The following HS3ST5 variants were observed in gnomAD, a reference collection of about 807,000 sequenced individuals.
HS3ST5 encodes the protein heparan sulfate-glucosamine 3-sulfotransferase 5.
Under a neutral mutation model 25.4 loss-of-function variants are expected in HS3ST5, and 10 were observed. The ratio of observed to expected loss-of-function variants is 0.39; its 90% CI spans 0.24 to 0.67. HS3ST5 has a LOEUF of 0.67. Ranked by LOEUF, HS3ST5 falls within the 30% of genes least tolerant of loss-of-function variation. HS3ST5 has a pLI of 0.44. For missense variants in HS3ST5, 324 were observed against 420.7 expected (o/e 0.77, Z 2.01); for synonymous variants, 170 against 162.4 (o/e 1.05, Z -0.36).
At chr6:114,141,108 C>T (rs1484122223) in intron 3 of HS3ST5, among the ~76,000 whole-genome samples, 4 of 152,266 alleles carry the variant, frequency 2.6e-5, no homozygotes, top group African/African-American at 7.2e-5. Context: ...GGCTACAGTG[C>T]CTCATTAAAA....
chr6:114,077,890 T>C (rs923446487), intron 3 of HS3ST5, among the ~76,000 whole-genome samples: 1 of 152,206 alleles, frequency 6.6e-6, no homozygotes, highest in Non-Finnish European at 1.5e-5. Flanking sequence ...CATTTCATTG[T>C]AGTTTTCATT....
At chr6:114,191,212 G>A (rs1020135537) in intron 2 of HS3ST5, among the ~76,000 whole-genome samples, 3 of 152,114 alleles carry the variant, frequency 2.0e-5, no homozygotes, top group African/African-American at 7.2e-5. Context: ...TGTATTCCAC[G>A]TATGTGTGTG....
At chr6:114,188,591 G>C (rs189860973) in intron 2 of HS3ST5, among the ~76,000 whole-genome samples, 1 of 132,556 alleles carries the variant, frequency 7.5e-6, no homozygotes, top group Admixed American at 8.2e-5. Flanking sequence ...TCTTCTAGCT[G>C]AATATTGTGG....
At chr6:114,329,373 A>T (rs1281048285) in intron 1 of HS3ST5, among the ~76,000 whole-genome samples, 3 of 152,114 alleles carry the variant, frequency 2.0e-5, no homozygotes, top group Non-Finnish European at 2.9e-5. Flanking sequence ...TGAACCTAAA[A>T]CTCTGTAATA....
At chr6:114,138,285 A>G (rs141078544) in intron 3 of HS3ST5, among the ~76,000 whole-genome samples, 75 of 152,352 alleles carry the variant, frequency 4.9e-4, no homozygotes, top group African/African-American at 1.8e-3. Context: ...GTTGACTTGA[A>G]AAAATCATTA....
intron 1 of HS3ST5, among the ~76,000 whole-genome samples, chr6:114,328,597 TG>T (rs1776267196): frequency 6.6e-6 from 1 of 152,250 alleles, no homozygotes; most frequent in African/African-American, 2.4e-5. Context: ...CCAGCCAAGC[TG>T]GGTGTGCTTT....
chr6:114,084,924 C>T (rs953385229), intron 3 of HS3ST5: 24 of 474,372 alleles, frequency 5.1e-5, no homozygotes, highest in African/African-American at 3.7e-4. Flanking sequence ...CTCTGCCTCC[C>T]GGGTTCAAGC....
intron 1 of HS3ST5, among the ~76,000 whole-genome samples, chr6:114,278,290 G>A (rs1410190545): frequency 1.3e-5 from 2 of 151,962 alleles, no homozygotes; most frequent in African/African-American, 2.4e-5. Flanking sequence ...GAATTTGAAT[G>A]TAGGCAATTT....
intron 1 of HS3ST5, among the ~76,000 whole-genome samples, chr6:114,322,335 T>A (rs2114884099): frequency 6.6e-6 from 1 of 152,302 alleles, no homozygotes; most frequent in East Asian, 1.9e-4. Flanking sequence ...ACCTTAGTTT[T>A]AAGACCATAC....
intron 3 of HS3ST5, among the ~76,000 whole-genome samples, chr6:114,097,053 T>C (rs2114809970): frequency 6.6e-6 from 1 of 152,170 alleles, no homozygotes; most frequent in East Asian, 1.9e-4. Context: ...AAAAAAGAGC[T>C]TCCTCTAGTT....
chr6:114,151,292 T>C (rs897186543), intron 3 of HS3ST5, among the ~76,000 whole-genome samples: 4 of 152,360 alleles, frequency 2.6e-5, no homozygotes, highest in Middle Eastern at 3.4e-3. Flanking sequence ...TGTTCTTTGA[T>C]CTTTGTTGCT....
intron 1 of HS3ST5, among the ~76,000 whole-genome samples, chr6:114,322,840 CT>C: frequency 6.6e-6 from 1 of 152,164 alleles, no homozygotes; most frequent in Non-Finnish European, 1.5e-5. Context: ...ATATTTGCAT[CT>C]CCACCCGGGG....
intron 3 of HS3ST5, among the ~76,000 whole-genome samples, chr6:114,105,152 GA>G: frequency 6.6e-6 from 1 of 152,090 alleles, no homozygotes. Context: ...CTTGCTAGAG[GA>G]AAAATACATT....
At chr6:114,340,052 T>C (rs1032826177) in intron 1 of HS3ST5, among the ~76,000 whole-genome samples, 24 of 152,204 alleles carry the variant, frequency 1.6e-4, no homozygotes, top group Non-Finnish European at 5.9e-5. Flanking sequence ...ATAAATACTT[T>C]TTGAATGAGT....
chr6:114,201,989 G>A (rs531848535), intron 2 of HS3ST5, among the ~76,000 whole-genome samples: 1 of 151,994 alleles, frequency 6.6e-6, no homozygotes, highest in African/African-American at 2.4e-5. Context: ...ACCTCCCACC[G>A]GGTCTCTCCC....
chr6:114,101,998 T>A (rs886531703), intron 3 of HS3ST5, among the ~76,000 whole-genome samples: 4 of 152,076 alleles, frequency 2.6e-5, no homozygotes, highest in Non-Finnish European at 4.4e-5. Context: ...TAGCTAAACA[T>A]TGAGTGCACT....
At chr6:114,248,217 AATAT>A (rs34339841) in intron 1 of HS3ST5, among the ~76,000 whole-genome samples, 19 of 143,146 alleles carry the variant, frequency 1.3e-4, no homozygotes, top group South Asian at 4.4e-4. Context: ...TGAAAAAAAA[AATAT>A]ATATATATAT....
At chr6:114,257,464 T>C (rs545364560) in intron 1 of HS3ST5, among the ~76,000 whole-genome samples, 49 of 152,198 alleles carry the variant, frequency 3.2e-4, no homozygotes, top group South Asian at 6.2e-4. Flanking sequence ...AAATAACTTA[T>C]ACAAAGTTAG....
At chr6:114,324,895 A>G (rs1776112564) in intron 1 of HS3ST5, among the ~76,000 whole-genome samples, 1 of 152,204 alleles carries the variant, frequency 6.6e-6, no homozygotes, top group Non-Finnish European at 1.5e-5. Flanking sequence ...CTTAAGGGAT[A>G]TTACAGCCTA....
Sources: gnomAD v4.1 joint callset for allele counts (sites outside exome capture counted in the v4.1 genomes callset) on GRCh38, gnomAD v4.1.1 for gene constraint, MANE v1.5 for transcripts, NCBI Gene and HGNC (gene_info 2026-07-23, HGNC 2026-07-21) for gene names.